Variants in CNTNAP2 observed in about 807,000 individuals in gnomAD.
CNTNAP2 encodes the protein contactin associated protein 2.
In CNTNAP2, 98 loss-of-function variants were observed where a neutral mutation model predicts 155.2. The ratio of observed to expected loss-of-function variants is 0.63; its 90% CI spans 0.54 to 0.75. CNTNAP2 has a LOEUF of 0.75. Among genes scored for constraint, CNTNAP2 ranks in the 30% least tolerant of loss-of-function variants. The pLI, the probability that CNTNAP2 is intolerant of heterozygous loss-of-function variation, is 0.00. For synonymous variants in CNTNAP2, 651 were observed against 631.2 expected (o/e 1.03, Z -0.47); for missense variants, 1,727 against 1,688.1 (o/e 1.02, Z -0.40).
intron 9 of CNTNAP2, among the ~76,000 whole-genome samples, chr7:147,384,522 T>C (rs1490708486): frequency 6.6e-6 from 1 of 152,134 alleles, no homozygotes; most frequent in Non-Finnish European, 1.5e-5. Context: ...GGTTTGATCA[T>C]ATAGAATACA....
intron 13 of CNTNAP2, among the ~76,000 whole-genome samples, chr7:147,805,075 A>AT (rs34878870): frequency 0.19 from 28,376 of 145,888 alleles, 2,769 homozygotes; most frequent in Middle Eastern, 0.28. Flanking sequence ...ATTCAATATC[A>AT]TTTTTTTTTT....
At chr7:146,969,022 G>C (rs1212494523) in intron 3 of CNTNAP2, among the ~76,000 whole-genome samples, 1 of 148,082 alleles carries the variant, frequency 6.8e-6, no homozygotes, top group Non-Finnish European at 1.5e-5. Flanking sequence ...CTTTGTTCTC[G>C]TTGGTTTCAA....
At chr7:146,229,977 A>G (rs1799357857) in intron 1 of CNTNAP2, among the ~76,000 whole-genome samples, 1 of 152,228 alleles carries the variant, frequency 6.6e-6, no homozygotes, top group African/African-American at 2.4e-5. Context: ...ACACAAATAT[A>G]TAAACAAGCA....
chr7:148,367,146 G>C (rs1373184254), intron 21 of CNTNAP2, among the ~76,000 whole-genome samples: 1 of 151,880 alleles, frequency 6.6e-6, no homozygotes, highest in Non-Finnish European at 1.5e-5. Context: ...CAGGAGAATC[G>C]ATTGAACCTG....
intron 13 of CNTNAP2, among the ~76,000 whole-genome samples, chr7:147,801,820 T>C (rs1422362033): frequency 6.6e-6 from 1 of 152,064 alleles, no homozygotes; most frequent in Non-Finnish European, 1.5e-5. Context: ...TCATGGCCTG[T>C]TCTCAATGAC....
intron 1 of CNTNAP2, among the ~76,000 whole-genome samples, chr7:146,658,077 G>T (rs1254217005): frequency 6.6e-6 from 1 of 152,138 alleles, no homozygotes. Context: ...ACTATCGAGA[G>T]TTGGGAACAT....
intron 1 of CNTNAP2, among the ~76,000 whole-genome samples, chr7:146,761,214 T>C (rs1802091487): frequency 6.6e-6 from 1 of 151,688 alleles, no homozygotes; most frequent in African/African-American, 2.4e-5. Context: ...GGTTAATAAC[T>C]CATAGTAGAG....
chr7:147,216,201 C>T (rs1274516823), intron 8 of CNTNAP2, among the ~76,000 whole-genome samples: 1 of 151,474 alleles, frequency 6.6e-6, no homozygotes, highest in African/African-American at 2.4e-5. Context: ...GTCTAGTTCA[C>T]CAACTGTTTC....
intron 4 of CNTNAP2, among the ~76,000 whole-genome samples, chr7:147,060,939 G>T (rs533252566): frequency 2.0e-5 from 3 of 152,240 alleles, no homozygotes; most frequent in Admixed American, 2.0e-4. Context: ...TTTCTGAGAT[G>T]TAGTATTATG....
chr7:147,536,192 C>T (rs1409060527), intron 11 of CNTNAP2, among the ~76,000 whole-genome samples: 1 of 152,158 alleles, frequency 6.6e-6, no homozygotes, highest in Non-Finnish European at 1.5e-5. Context: ...AAATCAATTC[C>T]TCCTTTGAAA....
intron 4 of CNTNAP2, among the ~76,000 whole-genome samples, chr7:147,099,398 T>C (rs1465363175): frequency 6.6e-6 from 1 of 151,998 alleles, no homozygotes; most frequent in African/African-American, 2.4e-5. Flanking sequence ...GAGATTAAAA[T>C]ACATGGTCAG....
chr7:147,971,479 G>GT (rs149344688), intron 14 of CNTNAP2, among the ~76,000 whole-genome samples: 19,599 of 151,886 alleles, frequency 0.13, 1,980 homozygotes, highest in African/African-American at 0.29. Context: ...TCTACTCCCA[G>GT]CCCGACAACC....
intron 9 of CNTNAP2, among the ~76,000 whole-genome samples, chr7:147,316,843 G>T (rs1795242538): frequency 6.6e-6 from 1 of 152,148 alleles, no homozygotes; most frequent in South Asian, 2.1e-4. Context: ...GCCACCCAAA[G>T]TCGTGATTTT....
At chr7:146,961,374 T>C (rs1797556147) in intron 3 of CNTNAP2, among the ~76,000 whole-genome samples, 2 of 152,312 alleles carry the variant, frequency 1.3e-5, no homozygotes, top group East Asian at 1.9e-4. Flanking sequence ...TGGGTCTACC[T>C]ATGTGAAGCA....
At chr7:148,105,582 T>A (rs1269102832) in intron 15 of CNTNAP2, among the ~76,000 whole-genome samples, 3 of 139,234 alleles carry the variant, frequency 2.2e-5, no homozygotes, top group South Asian at 2.1e-4. Context: ...TATTTTATTT[T>A]TTATTTTTTT....
chr7:147,720,746 C>T (rs1796554405), intron 13 of CNTNAP2, among the ~76,000 whole-genome samples: 1 of 152,128 alleles, frequency 6.6e-6, no homozygotes, highest in Non-Finnish European at 1.5e-5. Flanking sequence ...GCTTCCCTTT[C>T]ACCTTCTGCC....
chr7:148,036,397 C>T (rs1223738960), intron 15 of CNTNAP2, among the ~76,000 whole-genome samples: 1 of 151,982 alleles, frequency 6.6e-6, no homozygotes, highest in Non-Finnish European at 1.5e-5. Flanking sequence ...GTGGCACTGC[C>T]CTCATGAAAA....
intron 13 of CNTNAP2, among the ~76,000 whole-genome samples, chr7:147,671,320 G>A (rs1048167566): frequency 1.3e-5 from 2 of 152,206 alleles, no homozygotes; most frequent in Non-Finnish European, 2.9e-5. Flanking sequence ...TTTGTAAAGT[G>A]CACTGACAAT....
At chr7:146,736,907 T>TA (rs1438303343) in intron 1 of CNTNAP2, among the ~76,000 whole-genome samples, 3 of 152,118 alleles carry the variant, frequency 2.0e-5, no homozygotes, top group Non-Finnish European at 2.9e-5. Flanking sequence ...TAGAGATATA[T>TA]AATTTTAAAA....
Sources: gnomAD v4.1 joint callset for allele counts (sites outside exome capture counted in the v4.1 genomes callset) on GRCh38, gnomAD v4.1.1 for gene constraint, MANE v1.5 for transcripts, NCBI Gene and HGNC (gene_info 2026-07-23, HGNC 2026-07-21) for gene names.